Variants in TMEM132E observed in about 807,000 individuals in gnomAD.
TMEM132E encodes transmembrane protein 132E.
Under a neutral mutation model 78.5 loss-of-function variants are expected in TMEM132E, and 49 were observed. The ratio of observed to expected loss-of-function variants is 0.62; its 90% CI spans 0.50 to 0.79. The LOEUF (loss-of-function observed/expected upper bound fraction) is 0.79. Among genes scored for constraint, TMEM132E ranks in the 30% least tolerant of loss-of-function variants. The pLI is 0.00. For synonymous variants in TMEM132E, 715 were observed against 670.6 expected (o/e 1.07, Z -1.02); for missense variants, 1,403 against 1,470.9 (o/e 0.95, Z 0.75).
intron 1 of TMEM132E, among the ~76,000 whole-genome samples, chr17:34,619,920 A>G (rs112544442): frequency 1.6e-4 from 25 of 152,380 alleles, no homozygotes; most frequent in African/African-American, 5.8e-4. Flanking sequence ...CCCTCCCAGC[A>G]CAGCCCAGCA....
Position 34,637,934 on chromosome 17 carries a change from A to G in TMEM132E, c.2927A>G (p.Gln976Arg), listed in dbSNP as rs748958185. ...HGDHHSSGSS[Q>R]TSVQSQVHGR... ...GACCACCACAGCAGCGGCAGCTCGC[A>G]GACCAGCGTCCAGAGCCAGGTGCAC... Residue 976 changes from glutamine to arginine, a missense_variant, in exon 9 of 9, where the codon CAG becomes CGG. This residue lies in a region of TMEM132E where 888 missense variants were observed against 952.8 expected (regional missense o/e 0.93). Transcript: ENST00000631683. The G allele has an allele frequency of 6.2e-7, 1 of 1,606,480 alleles. No homozygotes were observed. Among genetic ancestry groups the G allele is most frequent in the Non-Finnish European group, 8.5e-7 (1 of 1,178,246 alleles).
chr17:34,628,895 G>A, intron 3 of TMEM132E, 117 bp from the exon 4 acceptor site: 1 of 1,399,860 alleles, frequency 7.1e-7, no homozygotes, highest in South Asian at 1.4e-5. Flanking sequence ...AGAAGGCCCA[G>A]AGGGCCCCAT....
intron 1 of TMEM132E, among the ~76,000 whole-genome samples, chr17:34,588,891 C>T (rs192993609): frequency 1.1e-3 from 168 of 152,236 alleles, no homozygotes; most frequent in Non-Finnish European, 8.4e-4. Context: ...GTAGCTGAGA[C>T]TGCAGGTGTG....
At chr17:34,630,606 G>A (rs1907320527) in intron 5 of TMEM132E, among the ~76,000 whole-genome samples, 1 of 152,168 alleles carries the variant, frequency 6.6e-6, no homozygotes, top group Non-Finnish European at 1.5e-5. Flanking sequence ...ACCCCTCAAA[G>A]ACCTGCCGTG....
chr17:34,638,036 G>A lies in TMEM132E; in HGVS notation c.3029G>A (p.Arg1010His), dbSNP rs1907597574. 1.3e-6 allele frequency: 2 copies of A among 1,576,596 alleles called. No individual in the cohort carries two copies. The highest frequency in any genetic ancestry group is 1.8e-5 in the Admixed American group (1 of 54,166). Residue 1010 changes from arginine (R) to histidine (H), a missense_variant, in exon 9 of 9, where the codon CGC (arginine) becomes CAC (histidine). Physicochemically the swap from Arg to His is conservative, Grantham distance 29. This residue lies in a region of TMEM132E where 888 missense variants were observed against 952.8 expected (regional missense o/e 0.93). Transcript: ENST00000631683. ...EDPASSPTSKRKRVKFTTFTT... is the reference protein window; with the variant it reads ...EDPASSPTSKHKRVKFTTFTT... Reference sequence around the variant, plus strand: ...CCCGCCAGCTCGCCCACCTCCAAGCGCAAGCGGGTCAAGTTCACCACCTTC... The same window carrying A: ...CCCGCCAGCTCGCCCACCTCCAAGCACAAGCGGGTCAAGTTCACCACCTTC...
chr17:34,620,246 C>G (rs1042050809), intron 1 of TMEM132E, among the ~76,000 whole-genome samples: 1 of 152,224 alleles, frequency 6.6e-6, no homozygotes, highest in African/African-American at 2.4e-5. Context: ...CTAAGGCAAG[C>G]CTGGGCAGGT....
chr17:34,603,651 C>T (rs1906313397), intron 1 of TMEM132E, among the ~76,000 whole-genome samples: 1 of 152,150 alleles, frequency 6.6e-6, no homozygotes, highest in South Asian at 2.1e-4. Context: ...CCTGTGTGGG[C>T]TGTGGCAGGG....
intron 1 of TMEM132E, among the ~76,000 whole-genome samples, chr17:34,586,532 G>T (rs771713858): frequency 1.3e-5 from 2 of 151,790 alleles, no homozygotes; most frequent in Non-Finnish European, 2.9e-5. Flanking sequence ...AGCCAATGTT[G>T]CAACAAGTGG....
intron 7 of TMEM132E, 116 bp from the exon 8 acceptor site, chr17:34,635,891 G>A (rs1447039102): frequency 1.8e-6 from 2 of 1,083,750 alleles, no homozygotes; most frequent in African/African-American, 1.7e-5. Flanking sequence ...CTCCCAGCCT[G>A]CCTCACCCTT....
In TMEM132E at chr17:34,630,166, G is replaced by A; in HGVS notation, c.1482+15G>A. The stretch of plus-strand genomic sequence containing the variant: ...ACATCATCAAGGTGGGCATCCTGGA[G>A]GTGGGGCCCCTGGGGAAGAAGCCCT... On this transcript the variant is annotated intron_variant, in intron 5 of 8. Transcript: ENST00000631683. 1 of 1,604,170 alleles carries A rather than the reference G, an allele frequency of 6.2e-7. No individual in the cohort carries two copies. Among genetic ancestry groups the A allele is most frequent in the Non-Finnish European group, 8.5e-7 (1 of 1,172,080 alleles).
Position 34,580,088 on chromosome 17 carries a change from C to A in TMEM132E, c.-989C>A, listed in dbSNP as rs1905410437. ...GCGCCTCTCTGCCGAGACAGCGAGA[C>A]CTTAGCGGGGTGGCCCGGAGCTGCC... On this transcript the variant is annotated 5_prime_UTR_variant, in exon 1 of 9. Transcript: ENST00000631683. 1 of 152,580 alleles carries A rather than the reference C, an allele frequency of 6.6e-6. No individual in the cohort carries two copies. The highest frequency in any genetic ancestry group is 2.4e-5 in the African/African-American group (1 of 41,456). The allele number at this position is 152,580 out of a possible 1,614,324, so 9.5% of individuals were successfully genotyped here. A position where few individuals can be genotyped will look rare whatever the true frequency, so the allele number is the denominator to read the frequency against.
At chr17:34,617,323 C>T (rs1004585639) in intron 1 of TMEM132E, among the ~76,000 whole-genome samples, 1 of 152,246 alleles carries the variant, frequency 6.6e-6, no homozygotes, top group African/African-American at 2.4e-5. Context: ...CTTCCAGCCT[C>T]GGTGCCTCTT....
rs762229395 is a variant in TMEM132E, at chr17:34,626,246, C to T, written c.187C>T (p.Pro63Ser). ...RLAFFLREAR[P>S]PSPAVANSSL... ...GGCCTTCTTCCTGCGGGAGGCGCGGCCCCCGTCACCCGCGGTCGCCAACAG... is the reference window on the plus strand; with the variant it reads ...GGCCTTCTTCCTGCGGGAGGCGCGGTCCCCGTCACCCGCGGTCGCCAACAG... The change falls in exon 2 of 9, where the codon CCC becomes TCC. Residue 63 changes from proline (P) to serine (S), a missense_variant. Pro to Ser is a moderately conservative substitution (Grantham distance 74). This residue lies in a region of TMEM132E where 511 missense variants were observed against 499.0 expected (regional missense o/e 1.02). Coordinates refer to ENST00000631683, the MANE Select transcript of TMEM132E (RefSeq NM_001304438.2). 28 of 1,597,720 alleles carry T rather than the reference C, an allele frequency of 1.8e-5. No individual in the cohort carries two copies. The highest frequency in any genetic ancestry group is 2.4e-5 in the Non-Finnish European group (28 of 1,172,904).
chr17:34,636,802 G>T (rs730815), intron 8 of TMEM132E, among the ~76,000 whole-genome samples: 1 of 152,092 alleles, frequency 6.6e-6, no homozygotes, highest in Non-Finnish European at 1.5e-5. Flanking sequence ...TTGTCTGATG[G>T]GGGTAAGCCC....
At chr17:34,581,866 G>C (rs1379531973) in intron 1 of TMEM132E, among the ~76,000 whole-genome samples, 1 of 152,102 alleles carries the variant, frequency 6.6e-6, no homozygotes, top group Non-Finnish European at 1.5e-5. Context: ...AAGGGGGTGG[G>C]AGAAGGAGGG....
At chr17:34,628,932 T>C in intron 3 of TMEM132E, 80 bp from the exon 4 acceptor site, 1 of 1,477,688 alleles carries the variant, frequency 6.8e-7, no homozygotes, top group Non-Finnish European at 9.1e-7. Flanking sequence ...AGGGGTGGGG[T>C]CCCCACTGAG....
In TMEM132E at chr17:34,633,001, C is replaced by T. The variant is rs528877092; in HGVS notation, c.1688+92C>T. 188 of 1,389,670 alleles carry T rather than the reference C, an allele frequency of 1.4e-4. No homozygotes were observed. The African/African-American group carries it at 2.2e-3, about 16-fold the overall frequency. The allele number at this position is 1,389,670 out of a possible 1,614,324, so 86.1% of individuals were successfully genotyped here. On this transcript the variant is annotated intron_variant, in intron 6 of 8. Coordinates refer to ENST00000631683, the MANE Select transcript of TMEM132E (RefSeq NM_001304438.2). ...CTGATCTGCATATGGGTATAAGGCC[C>T]TTGGTATACATAGTCTGTAGGTTGG...
Position 34,637,550 on chromosome 17 carries a change from C to A in TMEM132E, c.2543C>A (p.Ala848Glu), listed in dbSNP as rs1013692318. The change falls in exon 9 of 9, where the codon GCG (alanine) becomes GAG (glutamate). Residue 848 changes from alanine (A) to glutamate (E), a missense_variant. By Grantham distance (107) the Ala-to-Glu change is moderately radical (BLOSUM62 -1). Transcript: ENST00000631683. ...EARGAGPPGS[A>E]LPAPEAPGPG... Reference sequence around the variant, plus strand: ...CGGGGAGCTGGCCCGCCGGGCTCTGCGCTACCCGCACCGGAGGCTCCAGGC... The same window carrying A: ...CGGGGAGCTGGCCCGCCGGGCTCTGAGCTACCCGCACCGGAGGCTCCAGGC... 6.3e-7 allele frequency: 1 copy of A among 1,598,916 alleles called. No individual in the cohort carries two copies. Among genetic ancestry groups the A allele is most frequent in the African/African-American group, 1.3e-5 (1 of 74,830 alleles).
At chr17:34,603,989 C>T (rs1315284193) in intron 1 of TMEM132E, among the ~76,000 whole-genome samples, 1 of 152,164 alleles carries the variant, frequency 6.6e-6, no homozygotes, top group East Asian at 1.9e-4. Context: ...ACAACTGCAC[C>T]CCTCCCTCTA....
Sources: gnomAD v4.1 joint callset for allele counts (sites outside exome capture counted in the v4.1 genomes callset) on GRCh38, gnomAD v4.1.1 for gene constraint, gnomAD v4.1.1 regional missense constraint, MANE v1.5 for transcripts, NCBI Gene and HGNC (gene_info 2026-07-23, HGNC 2026-07-21) for gene names.